The following RBM19 variants were observed in gnomAD, a reference collection of about 807,000 sequenced individuals.
The protein encoded by RBM19 is probable RNA-binding protein 19.
In RBM19, 94 loss-of-function variants were observed where a neutral mutation model predicts 116.8. The ratio of observed to expected loss-of-function variants is 0.80; its 90% CI spans 0.68 to 0.95. The LOEUF is 0.95. RBM19 is among the 40% of genes least tolerant of loss of function. The pLI is 0.00. For missense variants in RBM19, 1,161 were observed against 1,220.7 expected (o/e 0.95, Z 0.73); for synonymous variants, 475 against 494.1 (o/e 0.96, Z 0.51).
In RBM19 at chr12:113,913,962, G is replaced by C. The variant is rs183139257; in HGVS notation, c.2558+1007C>G. The stretch of plus-strand genomic sequence containing the variant: ...CTATTACCCTGCCCATGCCTTGGGT[G>C]GGGGGGCCTTGGCTTCAAGCATTCC... On this transcript the variant is annotated intron_variant, in intron 21 of 23. Transcript: ENST00000261741. Among the ~76,000 whole-genome samples the C allele has an allele frequency of 3.3e-5, 5 of 152,130 alleles. No individual in the cohort carries two copies. In the East Asian group the frequency reaches 5.8e-4, roughly 18 times the overall value.
chr12:113,845,510 C>T (rs564535410), intron 22 of RBM19, among the ~76,000 whole-genome samples: 34 of 152,266 alleles, frequency 2.2e-4, no homozygotes, highest in Non-Finnish European at 2.1e-4. Flanking sequence ...CAATTCAATG[C>T]GTTTTAGTAT....
At chr12:113,949,118 C>T in intron 9 of RBM19, 82 bp from the exon 10 acceptor site, 1 of 1,269,672 alleles carries the variant, frequency 7.9e-7, no homozygotes, top group East Asian at 2.3e-5. Flanking sequence ...AAACTCTTCT[C>T]TGCTGCCTTC....
chr12:113,945,192 A>G (rs1314614346), intron 13 of RBM19, among the ~76,000 whole-genome samples: 1 of 152,208 alleles, frequency 6.6e-6, no homozygotes, highest in Non-Finnish European at 1.5e-5. Flanking sequence ...GCATTTCACT[A>G]TCTATATGTC....
rs1593551075 is a variant in RBM19 at position 113,898,524 on chromosome 12, A to T, written c.2558+16445T>A. Among the ~76,000 whole-genome samples, 7 of 152,354 alleles carry T rather than the reference A, an allele frequency of 4.6e-5. No homozygotes were observed. The South Asian group carries it at 1.4e-3, about 32-fold the overall frequency. Reference sequence around the variant, plus strand: ...AGTAATTGGTTATCCATTCATTCATAATTTCAATAACACTACAATGCTAAC... The same window carrying T: ...AGTAATTGGTTATCCATTCATTCATTATTTCAATAACACTACAATGCTAAC... On this transcript the variant is annotated intron_variant, in intron 21 of 23. Coordinates refer to ENST00000261741, the MANE Select transcript of RBM19 (RefSeq NM_016196.4). This position sits in a 1 kb window ranked among gnomAD's most constrained non-coding sequence, Gnocchi z 4.3.
chr12:113,931,800 T>C (rs1452814222), intron 16 of RBM19, among the ~76,000 whole-genome samples: 1 of 152,220 alleles, frequency 6.6e-6, no homozygotes, highest in African/African-American at 2.4e-5. Flanking sequence ...GAGCTCATCC[T>C]GTCCACTCTA....
At chr12:113,895,945 T>C (rs1335819656) in intron 21 of RBM19, among the ~76,000 whole-genome samples, 1 of 151,872 alleles carries the variant, frequency 6.6e-6, no homozygotes, top group Non-Finnish European at 1.5e-5. Flanking sequence ...CTCTCAAATA[T>C]ACATGTACAT....
At chr12:113,912,957 C>G (rs916723431) in intron 21 of RBM19, among the ~76,000 whole-genome samples, 1 of 152,134 alleles carries the variant, frequency 6.6e-6, no homozygotes, top group Non-Finnish European at 1.5e-5. Context: ...CAGGTACGGC[C>G]CTCCAAGAAG....
intron 22 of RBM19, among the ~76,000 whole-genome samples, chr12:113,848,306 T>A (rs554573722): frequency 2.6e-5 from 4 of 152,156 alleles, no homozygotes; most frequent in Non-Finnish European, 5.9e-5. Flanking sequence ...CAATACGTGG[T>A]TCTCCAAAAA....
At chr12:113,923,693 G>A (rs1868795196) in intron 18 of RBM19, among the ~76,000 whole-genome samples, 1 of 152,194 alleles carries the variant, frequency 6.6e-6, no homozygotes, top group Non-Finnish European at 1.5e-5. Context: ...TGTTCCCGCC[G>A]CCTGGCTGCT....
At chr12:113,834,883 T>C (rs1875741212) in intron 23 of RBM19, among the ~76,000 whole-genome samples, 1 of 152,374 alleles carries the variant, frequency 6.6e-6, no homozygotes, top group Admixed American at 6.5e-5. Flanking sequence ...AAGGGAGCTG[T>C]GAGCCTGAAA....
In RBM19 at chr12:113,825,697, C is replaced by T. The variant is rs1273137983; in HGVS notation, c.2786-2376G>A. ...CCCACATCCTGACAACTTGGAGGGA[C>T]TGGCGAGGGGCGAGTTCTAGCCCCA... On this transcript the variant is annotated intron_variant, in intron 23 of 23. Transcript: ENST00000261741. The surrounding 1 kb of genome is among the most constrained non-coding windows in gnomAD (Gnocchi z 5.7). Among the ~76,000 whole-genome samples, 4 of 152,086 alleles carry T rather than the reference C, an allele frequency of 2.6e-5. No individual in the cohort carries two copies. The highest frequency in any genetic ancestry group is 4.1e-4 in the South Asian group (2 of 4,834).
chr12:113,935,314 A>AG (rs1290884250), intron 16 of RBM19, among the ~76,000 whole-genome samples: 2 of 152,170 alleles, frequency 1.3e-5, no homozygotes, highest in East Asian at 3.9e-4. Context: ...GCCAAAAAAA[A>AG]AAAACATTAC....
At chr12:113,884,298 TAC>T (rs56150788) in intron 21 of RBM19, among the ~76,000 whole-genome samples, 16,998 of 137,130 alleles carry the variant, frequency 0.12, 1,157 homozygotes, top group East Asian at 0.26. Flanking sequence ...AAAAAAAGTA[TAC>T]ACACACACAC....
chr12:113,956,111 G>A (rs192556908), intron 6 of RBM19, among the ~76,000 whole-genome samples: 2 of 152,246 alleles, frequency 1.3e-5, no homozygotes, highest in African/African-American at 4.8e-5. Context: ...ACTAGGATTT[G>A]AACTCATAAT....
chr12:113,846,525 A>G (rs1876988563), intron 22 of RBM19, among the ~76,000 whole-genome samples: 1 of 152,180 alleles, frequency 6.6e-6, no homozygotes, highest in African/African-American at 2.4e-5. Context: ...ATGTGAAGAC[A>G]GAGACACATG....
At chr12:113,879,254 T>C (rs1385732833) in intron 21 of RBM19, among the ~76,000 whole-genome samples, 1 of 152,056 alleles carries the variant, frequency 6.6e-6, no homozygotes, top group African/African-American at 2.4e-5. Flanking sequence ...GTTATGTTCA[T>C]TGCAGTGGCT....
intron 22 of RBM19, among the ~76,000 whole-genome samples, chr12:113,853,198 G>C (rs1195415345): frequency 6.6e-6 from 1 of 152,200 alleles, no homozygotes; most frequent in Non-Finnish European, 1.5e-5. Flanking sequence ...CCAACCCTTG[G>C]CAGAGTGGAA....
At chr12:113,914,669 C>T (rs983467283) in intron 21 of RBM19, among the ~76,000 whole-genome samples, 2 of 152,248 alleles carry the variant, frequency 1.3e-5, no homozygotes, top group African/African-American at 4.8e-5. Context: ...GTTTTAGCCA[C>T]TGGGGCCCCT....
chr12:113,884,526 C>T (rs1565996187), intron 21 of RBM19, among the ~76,000 whole-genome samples: 1 of 152,022 alleles, frequency 6.6e-6, no homozygotes, highest in Non-Finnish European at 1.5e-5. Flanking sequence ...CGGCCTCCCA[C>T]CACAAATAAT....
Sources: gnomAD v4.1 joint callset for allele counts (sites outside exome capture counted in the v4.1 genomes callset) on GRCh38, gnomAD v4.1.1 for gene constraint, Gnocchi (gnomAD v3.1) non-coding constraint, MANE v1.5 for transcripts, NCBI Gene and HGNC (gene_info 2026-07-23, HGNC 2026-07-21) for gene names.